Variants in SS18 observed in about 807,000 individuals in gnomAD.
SS18 encodes protein SSXT.
SS18 carries 28 observed loss-of-function variants against 72.5 expected under a neutral mutation model. That is an observed-to-expected ratio of 0.39 (90% CI 0.29 to 0.53). The LOEUF (loss-of-function observed/expected upper bound fraction) is 0.53. Ranked by LOEUF, SS18 falls within the 20% of genes least tolerant of loss-of-function variation. SS18 has a pLI of 0.76. For missense variants in SS18, 518 were observed against 535.3 expected, an observed-to-expected ratio of 0.97 and a Z score of 0.32; for synonymous variants, 172 against 164.2, an observed-to-expected ratio of 1.05 and a Z score of -0.37.
chr18:26,041,909 C>A (rs78470328), intron 5 of SS18, among the ~76,000 whole-genome samples: 1 of 152,038 alleles, frequency 6.6e-6, no homozygotes, highest in African/African-American at 2.4e-5. Flanking sequence ...AATTACTACC[C>A]TTCTTTTACT....
At chr18:26,039,262 T>C (rs776522089) in intron 6 of SS18, 27 bp downstream of exon 6, 4 of 1,570,424 alleles carry the variant, frequency 2.5e-6, no homozygotes, top group African/African-American at 1.4e-5. Flanking sequence ...TTACATTAAG[T>C]AGCAAATTTT....
rs1201791516 is a variant in SS18, at chr18:26,035,792, G to C, written c.973+39C>G. 1 of 1,362,806 alleles carries C rather than the reference G, an allele frequency of 7.3e-7. No individual in the cohort carries two copies. Among genetic ancestry groups the C allele is most frequent in the Non-Finnish European group, 1.0e-6 (1 of 983,378 alleles). 84.4% of individuals were successfully genotyped at this position (1,362,806 alleles called of 1,614,324 possible). A position where few individuals can be genotyped will look rare whatever the true frequency, so the allele number is the denominator to read the frequency against. ...GCAAGAATTTTCATTCCTGTAGAAG[G>C]GGATATATATGTGTATGTGTGTGAA... On this transcript the variant is annotated intron_variant, in intron 8 of 10. Coordinates refer to ENST00000415083, the MANE Select transcript of SS18 (RefSeq NM_001007559.3). This position sits in a 1 kb window ranked among gnomAD's most constrained non-coding sequence, Gnocchi z 4.4.
At chr18:26,068,871 A>G (rs1341717597) in intron 3 of SS18, among the ~76,000 whole-genome samples, 3 of 152,210 alleles carry the variant, frequency 2.0e-5, no homozygotes, top group Non-Finnish European at 4.4e-5. Flanking sequence ...AAAAATTTTA[A>G]GTATATATTT....
At chr18:26,030,872 T>C (rs2053531992) in intron 10 of SS18, among the ~76,000 whole-genome samples, 2 of 151,974 alleles carry the variant, frequency 1.3e-5, no homozygotes, top group South Asian at 4.2e-4. Flanking sequence ...AATGAATCAA[T>C]GTAAACGCGA....
chr18:26,016,589 G>C lies in SS18; in HGVS notation c.*1765C>G, dbSNP rs1416691334. ...AGTACAAAAATTAGCTGGGTGTGGTGGCGGGTGCCTGTCATCCCAGCTACT... is the reference window on the plus strand; with the variant it reads ...AGTACAAAAATTAGCTGGGTGTGGTCGCGGGTGCCTGTCATCCCAGCTACT... On this transcript the variant is annotated 3_prime_UTR_variant, in exon 11 of 11. Transcript: ENST00000415083. 4 of 184,206 alleles carry C rather than the reference G, an allele frequency of 2.2e-5. No homozygotes were observed. Among genetic ancestry groups the C allele is most frequent in the Non-Finnish European group, 4.6e-5 (4 of 86,888 alleles). The allele number at this position is 184,206 out of a possible 1,614,324, so 11.4% of individuals were successfully genotyped here.
chr18:26,054,294 A>AT (rs1339756966), intron 4 of SS18, among the ~76,000 whole-genome samples: 3 of 152,312 alleles, frequency 2.0e-5, no homozygotes, highest in South Asian at 2.1e-4. Context: ...GGATATTACT[A>AT]TTTTTACACA....
At position 26,057,743 on chromosome 18, in the gene SS18, C is replaced by A; in HGVS notation, c.232-1G>T. 1 of 1,595,724 alleles carries A rather than the reference C, an allele frequency of 6.3e-7. No individual in the cohort carries two copies. Among genetic ancestry groups the A allele is most frequent in the Non-Finnish European group, 8.6e-7 (1 of 1,168,682 alleles). On this transcript the variant is annotated splice_acceptor_variant, in intron 3 of 10. Transcript: ENST00000415083. LOFTEE classifies it high-confidence loss of function. ...CCATAGGCATATTCTGTGTGGGTGG[C>A]TGAAAGAAGACAGTTTAGTAAAACA...
intron 10 of SS18, among the ~76,000 whole-genome samples, chr18:26,020,507 A>G (rs182122515): frequency 6.6e-6 from 1 of 152,344 alleles, no homozygotes; most frequent in African/African-American, 2.4e-5. Context: ...CATAGTATAT[A>G]AGCTATAATT....
intron 10 of SS18, among the ~76,000 whole-genome samples, chr18:26,027,703 A>AAAAAAAAAAAAAAGAC (rs1555643837): frequency 8.0e-6 from 1 of 124,718 alleles, no homozygotes; most frequent in African/African-American, 3.6e-5. Context: ...AAAAAAAAAA[A>AAAAAAAAAAAAAAGAC]AGTCTTTTCA....
upstream of SS18, chr18:26,090,675 A>G (rs952869299): frequency 8.3e-7 from 1 of 1,202,116 alleles, no homozygotes; most frequent in African/African-American, 1.5e-5. Context: ...GAATGCGGGG[A>G]GGGGGGATGC....
At chr18:26,081,890 C>T (rs2054530083) in intron 2 of SS18, among the ~76,000 whole-genome samples, 1 of 151,672 alleles carries the variant, frequency 6.6e-6, no homozygotes, top group Non-Finnish European at 1.5e-5. Context: ...AGACCCTATC[C>T]CTACGAAAAA....
intron 10 of SS18, among the ~76,000 whole-genome samples, chr18:26,028,019 A>G (rs1241198295): frequency 7.4e-6 from 1 of 135,804 alleles, no homozygotes; most frequent in Non-Finnish European, 1.5e-5. Context: ...ATGAAAAAAC[A>G]GACAGGATGA....
chr18:26,058,799 T>G (rs1007458125), intron 3 of SS18, among the ~76,000 whole-genome samples: 10 of 152,244 alleles, frequency 6.6e-5, no homozygotes, highest in South Asian at 6.2e-4. Context: ...TAAATCCAGA[T>G]GAATGCTCTT....
intron 10 of SS18, among the ~76,000 whole-genome samples, chr18:26,025,358 AG>A (rs1319414223): frequency 1.3e-5 from 2 of 152,156 alleles, no homozygotes; most frequent in African/African-American, 4.8e-5. Flanking sequence ...GCAGAAAAAA[AG>A]AAATAATAAA....
intron 10 of SS18, among the ~76,000 whole-genome samples, chr18:26,030,957 G>A (rs1373480901): frequency 6.6e-6 from 1 of 152,294 alleles, no homozygotes; most frequent in South Asian, 2.1e-4. Flanking sequence ...TGTGCCAATA[G>A]CTAAAGTGAG....
intron 2 of SS18, among the ~76,000 whole-genome samples, chr18:26,080,767 C>G (rs780930335): frequency 1.3e-5 from 2 of 152,054 alleles, no homozygotes; most frequent in Non-Finnish European, 2.9e-5. Context: ...TTTTTCCTAT[C>G]ATCTCTAAAT....
rs375933944 is a variant in SS18, at chr18:26,052,809, T to C, written c.422A>G (p.Asn141Ser). The C allele has an allele frequency of 5.6e-6, 9 of 1,614,048 alleles. No homozygotes were observed. Among genetic ancestry groups the C allele is most frequent in the South Asian group, 2.2e-5 (2 of 91,090 alleles). ...GGAACTGTTTGTCATATTGAGTTGA[T>C]TGGGTCCAGGTCCCTGCATAGGCAT... The part of the protein sequence containing the change: ...NHMPMQGPGP[N>S]QLNMTNSSMN... Residue 141 changes from asparagine (N) to serine (S), a missense_variant, in exon 5 of 11, where the codon AAT (asparagine) becomes AGT (serine). By Grantham distance (46) the Asn-to-Ser change is conservative. Coordinates refer to ENST00000415083, the MANE Select transcript of SS18 (RefSeq NM_001007559.3).
At chr18:26,037,875 T>C (rs533011255) in intron 7 of SS18, among the ~76,000 whole-genome samples, 2 of 152,284 alleles carry the variant, frequency 1.3e-5, no homozygotes, top group Admixed American at 6.5e-5. Flanking sequence ...GCTTGGATTA[T>C]TGCTATTCAA....
Position 26,035,283 on chromosome 18 carries a change from G to A in SS18, c.974-156C>T. ...ACAAAGAAAAAACTCAAACCAAACA[G>A]AAGGATTTCGGCCAAACAAACTGCA... is the stretch of plus-strand genomic sequence containing the variant. On this transcript the variant is annotated intron_variant, in intron 8 of 10. Coordinates refer to ENST00000415083, the MANE Select transcript of SS18 (RefSeq NM_001007559.3). The surrounding 1 kb of genome is among the most constrained non-coding windows in gnomAD (Gnocchi z 4.4). 2.0e-6 allele frequency: 2 copies of A among 1,009,408 alleles called. No individual in the cohort carries two copies. Among genetic ancestry groups the A allele is most frequent in the Non-Finnish European group, 2.8e-6 (2 of 723,566 alleles). The allele number at this position is 1,009,408 out of a possible 1,614,324, so 62.5% of individuals were successfully genotyped here. A position where few individuals can be genotyped will look rare whatever the true frequency, so the allele number is the denominator to read the frequency against.
Sources: allele counts gnomAD v4.1 joint callset (sites outside exome capture counted in the v4.1 genomes callset), GRCh38; gene constraint gnomAD v4.1.1; non-coding constraint Gnocchi (gnomAD v3.1); transcripts MANE v1.5; gene names NCBI Gene and HGNC (gene_info 2026-07-23, HGNC 2026-07-21).